CCSER1: variants seen among roughly 807,000 people sequenced by gnomAD.
The protein encoded by CCSER1 is serine-rich coiled-coil domain-containing protein 1.
In CCSER1, 41 loss-of-function variants were observed where a neutral mutation model predicts 82.0. The observed-to-expected ratio is 0.50, with a 90% CI of 0.39 to 0.65. The LOEUF is 0.65. Ranked by LOEUF, CCSER1 falls within the 30% of genes least tolerant of loss-of-function variation. The pLI is 0.00. For missense variants in CCSER1, 1,119 were observed against 1,064.2 expected (o/e 1.05, Z -0.72); for synonymous variants, 414 against 383.9 (o/e 1.08, Z -0.92).
At chr4:90,984,749 CTA>C (rs1561446210) in intron 9 of CCSER1, among the ~76,000 whole-genome samples, 1 of 151,562 alleles carries the variant, frequency 6.6e-6, no homozygotes, top group Non-Finnish European at 1.5e-5. Flanking sequence ...TAAAATAAAA[CTA>C]TTATATCCAT....
rs1730527957 is a variant in CCSER1 at position 90,933,480 on chromosome 4, C to T, written c.2172+10033C>T. 2.6e-5 allele frequency among the ~76,000 whole-genome samples: 4 copies of T among 151,704 alleles called. No homozygotes were observed. The South Asian group carries it at 6.2e-4, about 24-fold the overall frequency. ...GGGATTACAGGCGTGAGCCACCGTG[C>T]CAGGATGAAGTGTTTTTTTTTTTTA... On this transcript the variant is annotated intron_variant, in intron 9 of 10. Coordinates refer to ENST00000509176, the MANE Select transcript of CCSER1 (RefSeq NM_001145065.2).
chr4:90,242,560 C>T (rs1405584652), intron 1 of CCSER1, among the ~76,000 whole-genome samples: 1 of 152,136 alleles, frequency 6.6e-6, no homozygotes, highest in African/African-American at 2.4e-5. Flanking sequence ...TGGACAAGAA[C>T]ATGAACCTAG....
intron 5 of CCSER1, among the ~76,000 whole-genome samples, chr4:90,548,735 TA>T (rs1443608630): frequency 6.6e-6 from 1 of 150,880 alleles, no homozygotes; most frequent in Non-Finnish European, 1.5e-5. Flanking sequence ...AAGATATATA[TA>T]TATATATATA....
In CCSER1 at chr4:90,289,057, A is replaced by C. The variant is rs116933643; in HGVS notation, c.-41-19187A>C. Among the ~76,000 whole-genome samples the C allele has an allele frequency of 9.6e-4, 146 of 151,966 alleles. 2 individuals are homozygous for C. Among genetic ancestry groups the C allele is most frequent in the East Asian group, 2.1e-3 (11 of 5,140 alleles). ...CTCCTCCTCTCTCCCTTTGGATTCC[A>C]GAAGTGAGAAAGTAAGAATGTTGCT... On this transcript the variant is annotated intron_variant, in intron 1 of 10. Coordinates refer to ENST00000509176, the MANE Select transcript of CCSER1 (RefSeq NM_001145065.2).
At chr4:90,294,998 C>G (rs1486060879) in intron 1 of CCSER1, among the ~76,000 whole-genome samples, 2 of 151,852 alleles carry the variant, frequency 1.3e-5, no homozygotes, top group Admixed American at 6.6e-5. Flanking sequence ...AACACAATGC[C>G]TTGGAAATTT....
chr4:90,185,823 A>G (rs978496572), intron 1 of CCSER1, among the ~76,000 whole-genome samples: 3 of 152,090 alleles, frequency 2.0e-5, no homozygotes, highest in Non-Finnish European at 2.9e-5. Flanking sequence ...ATTTCAAGGA[A>G]GTGAGGCATT....
intron 10 of CCSER1, among the ~76,000 whole-genome samples, chr4:91,385,840 A>C (rs1161222045): frequency 6.6e-6 from 1 of 151,958 alleles, no homozygotes; most frequent in Non-Finnish European, 1.5e-5. Flanking sequence ...AAGGCAAGGG[A>C]AAACCCCATG....
chr4:90,154,002 A>T (rs12649820), intron 1 of CCSER1, among the ~76,000 whole-genome samples: 110,871 of 152,134 alleles, frequency 0.73, 41,863 homozygotes, highest in African/African-American at 0.93. Flanking sequence ...AGGGTTTTTA[A>T]GGTTTTAGGT....
chr4:90,598,012 A>G (rs1321691351), intron 5 of CCSER1, among the ~76,000 whole-genome samples: 1 of 151,954 alleles, frequency 6.6e-6, no homozygotes, highest in African/African-American at 2.4e-5. Context: ...TGTTGTATAT[A>G]TATCACATTT....
intron 10 of CCSER1, among the ~76,000 whole-genome samples, chr4:91,331,727 C>T (rs1012646321): frequency 3.3e-5 from 5 of 152,076 alleles, no homozygotes; most frequent in Admixed American, 2.6e-4. Context: ...TTGATAAATA[C>T]AGTGCCCCAC....
chr4:90,471,460 G>T (rs1764384736), intron 5 of CCSER1, among the ~76,000 whole-genome samples: 1 of 151,912 alleles, frequency 6.6e-6, no homozygotes, highest in Admixed American at 6.6e-5. Context: ...AATAAATAAA[G>T]CTTCTTAACC....
chr4:90,179,213 A>T (rs991270679), intron 1 of CCSER1, among the ~76,000 whole-genome samples: 1 of 151,300 alleles, frequency 6.6e-6, no homozygotes, highest in Non-Finnish European at 1.5e-5. Context: ...AAAGCTCTTG[A>T]TATTGTGTGT....
chr4:91,179,175 T>C (rs1379442216), intron 10 of CCSER1, among the ~76,000 whole-genome samples: 1 of 152,228 alleles, frequency 6.6e-6, no homozygotes, highest in Non-Finnish European at 1.5e-5. Flanking sequence ...AGATACACTG[T>C]TGGTCTGATT....
intron 10 of CCSER1, among the ~76,000 whole-genome samples, chr4:91,357,566 G>T (rs1180012519): frequency 3.3e-5 from 5 of 151,574 alleles, no homozygotes; most frequent in Admixed American, 3.3e-4. Context: ...TTTAATGTAG[G>T]TAAAAATCTA....
chr4:90,178,292 T>C (rs1733079896), intron 1 of CCSER1, among the ~76,000 whole-genome samples: 1 of 151,660 alleles, frequency 6.6e-6, no homozygotes, highest in Non-Finnish European at 1.5e-5. Flanking sequence ...ATGAAGCTTA[T>C]TGAAATTATA....
At chr4:90,254,262 G>A (rs1578771666) in intron 1 of CCSER1, among the ~76,000 whole-genome samples, 1 of 152,236 alleles carries the variant, frequency 6.6e-6, no homozygotes, top group East Asian at 1.9e-4. Flanking sequence ...CTTCTGGCTT[G>A]CCTCGTTCTC....
chr4:90,751,374 G>T (rs1748635799), intron 7 of CCSER1, among the ~76,000 whole-genome samples: 2 of 152,164 alleles, frequency 1.3e-5, no homozygotes, highest in East Asian at 1.9e-4. Context: ...GGTAACAGCT[G>T]CCTCTAAAGT....
chr4:90,745,142 C>T (rs1200282783), intron 7 of CCSER1, among the ~76,000 whole-genome samples: 1 of 151,994 alleles, frequency 6.6e-6, no homozygotes, highest in Non-Finnish European at 1.5e-5. Context: ...ATGGCCTGGT[C>T]GAGTTCTTTC....
chr4:90,727,403 A>C (rs1322344895), intron 7 of CCSER1: 2 of 396,992 alleles, frequency 5.0e-6, no homozygotes, highest in African/African-American at 2.1e-5. Flanking sequence ...TTAGCCATTA[A>C]GTTTTTTATA....
Sources: gnomAD v4.1 joint callset for allele counts (sites outside exome capture counted in the v4.1 genomes callset) on GRCh38, gnomAD v4.1.1 for gene constraint, MANE v1.5 for transcripts, NCBI Gene and HGNC (gene_info 2026-07-23, HGNC 2026-07-21) for gene names.